RFX8: variants seen among roughly 807,000 people sequenced by gnomAD.
The protein encoded by RFX8 is regulatory factor X8, also known as DNA-binding protein RFX8.
A neutral mutation model predicts 54.6 loss-of-function variants in RFX8; 46 were observed. The ratio of observed to expected loss-of-function variants is 0.84; its 90% CI spans 0.67 to 1.08. RFX8 has a LOEUF of 1.08. Among genes scored for constraint, RFX8 ranks in the 50% least tolerant of loss-of-function variants. RFX8 has a pLI of 0.00. For synonymous variants in RFX8, 192 were observed against 209.5 expected (o/e 0.92, Z 0.72); for missense variants, 536 against 562.3 (o/e 0.95, Z 0.47).
chr2:101,428,438 G>A (rs1270901610), intron 2 of RFX8, among the ~76,000 whole-genome samples: 5 of 152,178 alleles, frequency 3.3e-5, no homozygotes, highest in Admixed American at 6.5e-5. Flanking sequence ...ACCTGGCCAC[G>A]CTGGCACCTG....
chr2:101,406,807 C>G (rs529696372), intron 9 of RFX8, among the ~76,000 whole-genome samples: 2 of 152,252 alleles, frequency 1.3e-5, no homozygotes, highest in South Asian at 4.1e-4. Context: ...GGCACAGAAT[C>G]CCATAATAAT....
Position 101,470,789 on chromosome 2 carries a change from G to C in RFX8, c.-53+3847C>G, listed in dbSNP as rs559188385. On this transcript the variant is annotated intron_variant, in intron 1 of 11. Transcript: ENST00000428343. ...GGCTGGAGTGCAGTGGCGCGATCTC[G>C]GCTTAATGCAAGCTCCGCCTCCCAG... is the stretch of plus-strand genomic sequence containing the variant. Among the ~76,000 whole-genome samples, 107 of 140,924 alleles carry C rather than the reference G, an allele frequency of 7.6e-4. 2 individuals carry two copies. The highest frequency in any genetic ancestry group is 2.6e-3 in the African/African-American group (97 of 37,148). 92.5% of individuals were successfully genotyped at this position (140,924 alleles called of 152,430 possible).
intron 2 of RFX8, among the ~76,000 whole-genome samples, chr2:101,453,014 A>AG (rs1258666519): frequency 7.7e-6 from 1 of 129,934 alleles, no homozygotes; most frequent in African/African-American, 3.1e-5. Flanking sequence ...CTGAGGCAGG[A>AG]AGCTACTAGG....
At chr2:101,399,071 C>T (rs1352048841) in intron 11 of RFX8, among the ~76,000 whole-genome samples, 3 of 152,158 alleles carry the variant, frequency 2.0e-5, no homozygotes, top group Non-Finnish European at 4.4e-5. Context: ...TTCTTAAACA[C>T]GCCTTGGCAT....
chr2:101,458,417 T>C (rs867723829), intron 2 of RFX8, among the ~76,000 whole-genome samples: 16 of 152,204 alleles, frequency 1.1e-4, no homozygotes, highest in African/African-American at 3.4e-4. Context: ...GGTGACAAAA[T>C]CTCTCAGCAT....
chr2:101,450,632 G>A (rs1480838998), intron 2 of RFX8: 1 of 1,515,960 alleles, frequency 6.6e-7, no homozygotes, highest in Non-Finnish European at 8.9e-7. Context: ...AGCAATACTG[G>A]GCATAGAAGA....
intron 2 of RFX8, among the ~76,000 whole-genome samples, chr2:101,461,262 C>CAAAAAAAAAAAAAAAAAAAA (rs11350961): frequency 8.9e-5 from 8 of 89,888 alleles, no homozygotes; most frequent in Admixed American, 2.9e-4. Context: ...GACTCCATCT[C>CAAAAAAAAAAAAAAAAAAAA]AAAAAAAAAA....
At chr2:101,420,943 G>C (rs555264764) in intron 4 of RFX8, among the ~76,000 whole-genome samples, 110 of 152,216 alleles carry the variant, frequency 7.2e-4, no homozygotes, top group Non-Finnish European at 1.4e-3. Flanking sequence ...TCGGTCACAG[G>C]GTAGGAATTA....
At chr2:101,413,190 T>C in intron 7 of RFX8, 119 bp from the exon 8 acceptor site, 1 of 738,164 alleles carries the variant, frequency 1.4e-6, no homozygotes, top group East Asian at 2.7e-5. Context: ...GATGTGGATA[T>C]TACCCATTAA....
intron 2 of RFX8, among the ~76,000 whole-genome samples, chr2:101,431,847 C>A (rs977969897): frequency 1.3e-5 from 2 of 152,026 alleles, no homozygotes; most frequent in Non-Finnish European, 2.9e-5. Context: ...TATAGGGAAG[C>A]CTGAAGGGAC....
At chr2:101,462,358 A>G (rs762799218) in intron 2 of RFX8, among the ~76,000 whole-genome samples, 14 of 152,172 alleles carry the variant, frequency 9.2e-5, no homozygotes, top group Non-Finnish European at 1.2e-4. Context: ...GGAGCCCAGG[A>G]GGCAGAGGTT....
chr2:101,450,533 G>T (rs780668507), intron 2 of RFX8: 4 of 816,404 alleles, frequency 4.9e-6, no homozygotes, highest in Non-Finnish European at 7.9e-6. Flanking sequence ...TGGCCTGAAT[G>T]GTTCTAACAT....
chr2:101,407,772 G>A (rs79447745), intron 9 of RFX8, among the ~76,000 whole-genome samples: 1,849 of 152,048 alleles, frequency 0.012, 47 homozygotes, highest in African/African-American at 0.042. Context: ...GGCTTTCTCT[G>A]CACAAATGTT....
rs140283667 is a variant in RFX8, at chr2:101,449,832, C to T, written c.72+16945G>A. Among the ~76,000 whole-genome samples the T allele has an allele frequency of 3.0e-4, 45 of 151,922 alleles. No homozygotes were observed. In the East Asian group the frequency reaches 4.9e-3, roughly 16 times the overall value. On this transcript the variant is annotated intron_variant, in intron 2 of 11. Transcript: ENST00000428343. Reference sequence around the variant, plus strand: ...AATGGCGATTATCAAGATGAGATCTCGGGGAGAGCCTAAGCTTAATGGAGA... The same window carrying T: ...AATGGCGATTATCAAGATGAGATCTTGGGGAGAGCCTAAGCTTAATGGAGA...
At chr2:101,422,157 G>A (rs953367688) in intron 3 of RFX8, among the ~76,000 whole-genome samples, 27 of 152,142 alleles carry the variant, frequency 1.8e-4, no homozygotes, top group African/African-American at 6.5e-4. Flanking sequence ...AGTCCCAGCG[G>A]GAGCCTTGCC....
intron 2 of RFX8, among the ~76,000 whole-genome samples, chr2:101,451,639 T>C (rs1479280515): frequency 2.8e-5 from 4 of 142,272 alleles, no homozygotes; most frequent in Non-Finnish European, 1.5e-5. Context: ...CAGTGAGCCA[T>C]GATCACGCCA....
chr2:101,426,358 AAC>A (rs1006721702), intron 2 of RFX8, among the ~76,000 whole-genome samples: 7 of 152,004 alleles, frequency 4.6e-5, no homozygotes, highest in Non-Finnish European at 7.4e-5. Context: ...AAAAAACAAA[AAC>A]ACAAAAAACA....
chr2:101,461,883 C>T (rs1274073246), intron 2 of RFX8, among the ~76,000 whole-genome samples: 1 of 152,088 alleles, frequency 6.6e-6, no homozygotes, highest in East Asian at 1.9e-4. Context: ...CCAATAAATG[C>T]AAGTAGAAAC....
rs117158891 is a variant in RFX8, at chr2:101,440,481, C to T, written c.73-18009G>A. On this transcript the variant is annotated intron_variant, in intron 2 of 11. Coordinates refer to ENST00000428343, the MANE Select transcript of RFX8 (RefSeq NM_001145664.2). ...AGCTTTCAATAAAAACTTTAGGTGC[C>T]GAGTCGCTAACGGGCTTCCCTGGGA... Among the ~76,000 whole-genome samples the T allele has an allele frequency of 3.9e-4, 60 of 152,272 alleles. No homozygotes were observed. In the East Asian group the frequency reaches 0.011, roughly 28 times the overall value.
Sources: allele counts gnomAD v4.1 joint callset (sites outside exome capture counted in the v4.1 genomes callset), GRCh38; gene constraint gnomAD v4.1.1; transcripts MANE v1.5; gene names NCBI Gene and HGNC (gene_info 2026-07-23, HGNC 2026-07-21).